ADGRG2: variants seen among roughly 807,000 people sequenced by gnomAD.
ADGRG2 encodes the protein adhesion G protein-coupled receptor G2, also known as G protein-coupled receptor 64.
A neutral mutation model predicts 74.1 loss-of-function variants in ADGRG2; 26 were observed. The observed-to-expected ratio is 0.35, with a 90% CI of 0.26 to 0.49. The LOEUF is 0.49. ADGRG2 is among the 20% of genes least tolerant of loss of function. The pLI, the probability that ADGRG2 is intolerant of heterozygous loss-of-function variation, is 0.99. For synonymous variants in ADGRG2, 296 were observed against 295.2 expected (o/e 1.00, Z -0.03); for missense variants, 619 against 763.1 (o/e 0.81, Z 2.22).
intron 6 of ADGRG2, chrX:19,036,207 A>G: frequency 3.5e-6 from 1 of 289,119 alleles, no homozygotes; most frequent in Non-Finnish European, 6.0e-6. Context: ...TGCAAGTTAC[A>G]TGTCTAAACA....
chrX:19,010,702 G>A lies in ADGRG2; in HGVS notation c.1176C>T (p.Ser392=). 8.3e-7 allele frequency: 1 copy of A among 1,204,537 alleles called. No individual in the cohort carries two copies. The change falls in exon 17 of 29, where the codon AGC becomes AGT. Residue 392 remains serine, a synonymous_variant. Transcript: ENST00000379869. ...TTTCTCCTGCGAGGTTAGGCTCCAGGCTGCCCAAGGACAGAGCCTTCTCCA... is the reference window on the plus strand; with the variant it reads ...TTTCTCCTGCGAGGTTAGGCTCCAGACTGCCCAAGGACAGAGCCTTCTCCA... ...LQMEKALSLG[S]LEPNLAGEMI...
At position 19,005,272 on chromosome X, in the gene ADGRG2, T is replaced by A. The variant is rs761520061; in HGVS notation, c.1840-393A>T. On this transcript the variant is annotated intron_variant, in intron 22 of 28. Transcript: ENST00000379869. Reference sequence around the variant, plus strand: ...CTAACAAGAGAGTCTTAATTCTGATTTTAATAAAATGACAATAGCAACTCC... The same window carrying A: ...CTAACAAGAGAGTCTTAATTCTGATATTAATAAAATGACAATAGCAACTCC... Among the ~76,000 whole-genome samples, 3 of 112,428 alleles carry A rather than the reference T, an allele frequency of 2.7e-5. No homozygotes were observed. In the East Asian group the frequency reaches 8.3e-4, roughly 31 times the overall value.
At chrX:19,042,457 C>T in intron 3 of ADGRG2, among the ~76,000 whole-genome samples, 1 of 110,989 alleles carries the variant, frequency 9.0e-6, no homozygotes, top group African/African-American at 3.3e-5. Flanking sequence ...ACAATTTTGC[C>T]CGGTGGATGG....
chrX:19,057,642 C>G (rs139922488), intron 3 of ADGRG2, among the ~76,000 whole-genome samples: 102 of 110,656 alleles, frequency 9.2e-4, no homozygotes, highest in African/African-American at 3.4e-3. Flanking sequence ...GGGTTTGAGA[C>G]CAGCCTGGGC....
At chrX:19,084,593 CAAAG>C (rs2061908922) in intron 1 of ADGRG2, among the ~76,000 whole-genome samples, 1 of 112,069 alleles carries the variant, frequency 8.9e-6, no homozygotes, top group Non-Finnish European at 1.9e-5. Context: ...TTTCAATAAT[CAAAG>C]AAAGAAAGAA....
chrX:19,104,682 G>A (rs2062248918), intron 1 of ADGRG2, among the ~76,000 whole-genome samples: 1 of 110,955 alleles, frequency 9.0e-6, no homozygotes, highest in Non-Finnish European at 1.9e-5. Flanking sequence ...GGAGACCAAG[G>A]TGGGTGGATC....
chrX:19,025,048 T>A (rs1314989916), intron 11 of ADGRG2, among the ~76,000 whole-genome samples: 1 of 112,016 alleles, frequency 8.9e-6, no homozygotes, highest in East Asian at 2.8e-4. Flanking sequence ...GTGCTGGGAT[T>A]ATAGTCATGA....
chrX:19,099,787 C>T (rs1476498334), intron 1 of ADGRG2, among the ~76,000 whole-genome samples: 2 of 112,074 alleles, frequency 1.8e-5, no homozygotes, highest in African/African-American at 3.2e-5. Context: ...GTAATCCCAA[C>T]ATTTTGGGAG....
chrX:19,110,136 G>A (rs138040711), intron 1 of ADGRG2, among the ~76,000 whole-genome samples: 20 of 111,653 alleles, frequency 1.8e-4, no homozygotes, highest in African/African-American at 6.2e-4. Flanking sequence ...AATACTACAT[G>A]CCAAATACTA....
chrX:19,025,905 A>C (rs1156954160), intron 11 of ADGRG2, among the ~76,000 whole-genome samples: 1 of 111,824 alleles, frequency 8.9e-6, no homozygotes, highest in African/African-American at 3.3e-5. Flanking sequence ...CAAAAAAAAA[A>C]AATTATTCTA....
At chrX:19,122,524 C>G (rs934842269), upstream of ADGRG2, 3 of 110,352 alleles carry the variant, frequency 2.7e-5, no homozygotes, top group East Asian at 2.9e-4. Context: ...CCTCCTCCCC[C>G]CGCCCGCGGC....
chrX:19,001,397 C>CA (rs2060129894), intron 24 of ADGRG2, among the ~76,000 whole-genome samples: 1 of 112,097 alleles, frequency 8.9e-6, no homozygotes, highest in African/African-American at 3.2e-5. Context: ...TGGTAAAGAA[C>CA]AAACAATTCC....
intron 3 of ADGRG2, among the ~76,000 whole-genome samples, chrX:19,052,205 G>A (rs2061335086): frequency 8.9e-6 from 1 of 111,832 alleles, no homozygotes; most frequent in African/African-American, 3.3e-5. Flanking sequence ...CTTTCACTAA[G>A]CCATACCATC....
At chrX:19,014,101 T>C (rs2060415379) in intron 15 of ADGRG2, 27 bp from the exon 16 acceptor site, 1 of 1,136,684 alleles carries the variant, frequency 8.8e-7, no homozygotes, top group Admixed American at 2.5e-5. Flanking sequence ...GAGAGATACA[T>C]GTGAGACACG....
intron 11 of ADGRG2, among the ~76,000 whole-genome samples, chrX:19,026,148 G>A (rs2060696153): frequency 8.9e-6 from 1 of 111,918 alleles, no homozygotes; most frequent in Admixed American, 9.5e-5. Flanking sequence ...GCTTCTCTCT[G>A]CCTAGGCATT....
chrX:19,001,283 G>T (rs746143126), intron 24 of ADGRG2, among the ~76,000 whole-genome samples: 6 of 110,170 alleles, frequency 5.4e-5, no homozygotes, highest in African/African-American at 2.0e-4. Flanking sequence ...ATGGCTTTTG[G>T]TGGGGAAAGA....
At chrX:19,055,693 C>T (rs1236948701) in intron 3 of ADGRG2, among the ~76,000 whole-genome samples, 7 of 108,716 alleles carry the variant, frequency 6.4e-5, no homozygotes, top group Admixed American at 3.0e-4. Flanking sequence ...GGCAGGCAAA[C>T]GGGGAAAGAG....
chrX:19,061,932 C>T (rs1426386918), intron 3 of ADGRG2, among the ~76,000 whole-genome samples: 3 of 111,608 alleles, frequency 2.7e-5, no homozygotes, highest in Non-Finnish European at 5.7e-5. Flanking sequence ...CTGCAGGGCT[C>T]CTGGGTATCC....
intron 1 of ADGRG2, among the ~76,000 whole-genome samples, chrX:19,107,639 T>A (rs1398741678): frequency 1.2e-5 from 1 of 86,418 alleles, no homozygotes; most frequent in Admixed American, 1.1e-4. Context: ...TGTTTTTTGT[T>A]TTTTTTTTTT....
Sources: allele counts gnomAD v4.1 joint callset (sites outside exome capture counted in the v4.1 genomes callset), GRCh38; gene constraint gnomAD v4.1.1; transcripts MANE v1.5; gene names NCBI Gene and HGNC (gene_info 2026-07-23, HGNC 2026-07-21).